CLIC5: variants seen among roughly 807,000 people sequenced by gnomAD.
CLIC5 encodes chloride intracellular channel protein 5.
A neutral mutation model predicts 24.7 loss-of-function variants in CLIC5; 20 were observed. That is an observed-to-expected ratio of 0.81 (90% CI 0.57 to 1.18). CLIC5 has a LOEUF of 1.18. CLIC5 is among the 50% of genes most tolerant of loss of function. CLIC5 has a pLI of 0.00. For synonymous variants in CLIC5, 159 were observed against 135.6 expected, an observed-to-expected ratio of 1.17 and a Z score of -1.20; for missense variants, 341 against 326.1, an observed-to-expected ratio of 1.05 and a Z score of -0.35.
downstream of CLIC5, among the ~76,000 whole-genome samples, chr6:45,895,183 C>T (rs188324764): frequency 2.8e-4 from 42 of 152,052 alleles, no homozygotes; most frequent in African/African-American, 9.9e-4. Context: ...AACCTATATG[C>T]GGAAAAAAGA....
chr6:46,100,308 G>C, the CLIC5 span, among the ~76,000 whole-genome samples: 1 of 152,198 alleles, frequency 6.6e-6, no homozygotes, highest in Non-Finnish European at 1.5e-5. Flanking sequence ...AAAACTCTAT[G>C]AGTGAGCTGG....
chr6:46,067,044 G>A (rs527731525), intron 1 of CLIC5, among the ~76,000 whole-genome samples: 8 of 152,286 alleles, frequency 5.3e-5, no homozygotes, highest in African/African-American at 1.9e-4. Flanking sequence ...ACGCTCAAAG[G>A]TGAACTTGAT....
intron 1 of CLIC5, among the ~76,000 whole-genome samples, chr6:45,957,896 GC>G (rs770193627): frequency 6.6e-6 from 1 of 152,098 alleles, no homozygotes; most frequent in Non-Finnish European, 1.5e-5. Flanking sequence ...GCTCAGTTGG[GC>G]CCCACATCCT....
intron 1 of CLIC5, among the ~76,000 whole-genome samples, chr6:46,022,282 CATT>C (rs1767206180): frequency 6.6e-6 from 1 of 152,142 alleles, no homozygotes; most frequent in South Asian, 2.1e-4. Flanking sequence ...AGTGCAATCA[CATT>C]ATTAGTCACA....
rs766742096 is a variant in CLIC5, at chr6:45,903,139, A to G, written c.705T>C (p.Ser235=). The part of the protein sequence containing the change: ...DEFTNTCAAD[S]EIELAYADVA... Reference sequence around the variant, plus strand: ...CATCAGCGTAGGCCAACTCGATCTCACTGTCAGCTGCACAGGTGTTGGTGA... The same window carrying G: ...CATCAGCGTAGGCCAACTCGATCTCGCTGTCAGCTGCACAGGTGTTGGTGA... The change falls in exon 6 of 6, where the codon AGT becomes AGC. Residue 235 remains serine (S), a synonymous_variant. Coordinates refer to ENST00000339561, the MANE Select transcript of CLIC5 (RefSeq NM_016929.5). 4.3e-6 allele frequency: 7 copies of G among 1,614,160 alleles called. No individual in the cohort carries two copies. The highest frequency in any genetic ancestry group is 5.9e-6 in the Non-Finnish European group (7 of 1,180,020).
At chr6:46,014,998 C>A (rs1045328765) in intron 1 of CLIC5, among the ~76,000 whole-genome samples, 1 of 152,230 alleles carries the variant, frequency 6.6e-6, no homozygotes, top group Non-Finnish European at 1.5e-5. Context: ...ATTTTAGGAT[C>A]TCTGAGCGAA....
chr6:45,953,475 G>C (rs1465167166), intron 2 of CLIC5, among the ~76,000 whole-genome samples: 3 of 152,112 alleles, frequency 2.0e-5, no homozygotes, highest in Admixed American at 6.5e-5. Flanking sequence ...AAGGAAGAGA[G>C]GGCCTGTTTT....
intron 1 of CLIC5, among the ~76,000 whole-genome samples, chr6:46,023,527 A>G (rs1208565775): frequency 6.6e-6 from 1 of 152,174 alleles, no homozygotes; most frequent in African/African-American, 2.4e-5. Flanking sequence ...AGTCTTGGAT[A>G]AGAAATGGCT....
chr6:46,085,301 T>A (rs1260545684), upstream of CLIC5, among the ~76,000 whole-genome samples: 1 of 152,242 alleles, frequency 6.6e-6, no homozygotes, highest in African/African-American at 2.4e-5. Context: ...GTCCAGCTTT[T>A]TTCCATTGCT....
chr6:45,992,506 A>T (rs1319064263), intron 1 of CLIC5, among the ~76,000 whole-genome samples: 1 of 152,238 alleles, frequency 6.6e-6, no homozygotes, highest in Non-Finnish European at 1.5e-5. Flanking sequence ...TAGAAAGACC[A>T]CAGAATTCAG....
chr6:45,969,890 G>A (rs1439150083), intron 1 of CLIC5, among the ~76,000 whole-genome samples: 1 of 151,734 alleles, frequency 6.6e-6, no homozygotes, highest in Non-Finnish European at 1.5e-5. Context: ...GCTCCCAGGG[G>A]AAGGATAGAA....
the CLIC5 span, among the ~76,000 whole-genome samples, chr6:46,116,042 G>C: frequency 1.3e-5 from 2 of 152,188 alleles, no homozygotes. Flanking sequence ...GAACATGTGA[G>C]AGTGGGGCCC....
chr6:45,975,628 T>C (rs529834120), intron 1 of CLIC5, among the ~76,000 whole-genome samples: 11 of 152,186 alleles, frequency 7.2e-5, no homozygotes, highest in Non-Finnish European at 1.6e-4. Context: ...TATATAGTTA[T>C]GTTGCTAATC....
chr6:46,003,324 C>T (rs1032990039), intron 1 of CLIC5, among the ~76,000 whole-genome samples: 1 of 152,208 alleles, frequency 6.6e-6, no homozygotes, highest in African/African-American at 2.4e-5. Context: ...TCCTCTGTCT[C>T]ACCTACCCTT....
intron 1 of CLIC5, among the ~76,000 whole-genome samples, chr6:46,076,534 G>A (rs1762775681): frequency 6.6e-6 from 1 of 152,108 alleles, no homozygotes; most frequent in Non-Finnish European, 1.5e-5. Context: ...CCATGCGCGA[G>A]GAATGAGATC....
chr6:46,053,827 C>T (rs1275194318), intron 1 of CLIC5, among the ~76,000 whole-genome samples: 5 of 152,202 alleles, frequency 3.3e-5, no homozygotes, highest in African/African-American at 1.2e-4. Flanking sequence ...AGGCATTCCT[C>T]TCTGCAGTGT....
chr6:46,039,636 G>A (rs1767753217), intron 1 of CLIC5, among the ~76,000 whole-genome samples: 1 of 152,000 alleles, frequency 6.6e-6, no homozygotes, highest in African/African-American at 2.4e-5. Context: ...AAATAAAACA[G>A]ATATGTTGGA....
intron 4 of CLIC5, among the ~76,000 whole-genome samples, chr6:45,935,045 G>A (rs1763879447): frequency 6.6e-6 from 1 of 152,188 alleles, no homozygotes; most frequent in African/African-American, 2.4e-5. Context: ...AGCACTTTCT[G>A]CCTAGATTAT....
upstream of CLIC5, among the ~76,000 whole-genome samples, chr6:46,082,354 G>A (rs974263125): frequency 6.6e-6 from 1 of 152,146 alleles, no homozygotes; most frequent in Non-Finnish European, 1.5e-5. Flanking sequence ...ATGATCTACA[G>A]TTACAGGTTG....
Sources: allele counts gnomAD v4.1 joint callset (sites outside exome capture counted in the v4.1 genomes callset), GRCh38; gene constraint gnomAD v4.1.1; transcripts MANE v1.5; gene names NCBI Gene and HGNC (gene_info 2026-07-23, HGNC 2026-07-21).